The following SSBP2 variants were observed in gnomAD, a reference collection of about 807,000 sequenced individuals.
SSBP2 encodes single stranded DNA binding protein 2.
SSBP2 carries 17 observed loss-of-function variants against 61.8 expected under a neutral mutation model. The ratio of observed to expected loss-of-function variants is 0.28; its 90% confidence interval spans 0.19 to 0.41. SSBP2 has a LOEUF of 0.41. Among genes scored for constraint, SSBP2 ranks in the 10% least tolerant of loss-of-function variants. The pLI is 1.00. For synonymous variants in SSBP2, 139 were observed against 141.3 expected (o/e 0.98, Z 0.12); for missense variants, 310 against 458.7 (o/e 0.68, Z 2.96).
intron 2 of SSBP2, among the ~76,000 whole-genome samples, chr5:81,640,579 T>C (rs60916090): frequency 6.6e-6 from 1 of 152,162 alleles, no homozygotes; most frequent in Non-Finnish European, 1.5e-5. Flanking sequence ...TTTTATATTA[T>C]CTTGGTTCAT....
chr5:81,479,120 T>C (rs1765798545), intron 6 of SSBP2, among the ~76,000 whole-genome samples: 1 of 152,222 alleles, frequency 6.6e-6, no homozygotes, highest in South Asian at 2.1e-4. Context: ...AGCCTTGGGA[T>C]GACCAGATAG....
At chr5:81,711,274 A>C (rs1754758305) in intron 1 of SSBP2, among the ~76,000 whole-genome samples, 1 of 152,120 alleles carries the variant, frequency 6.6e-6, no homozygotes, top group Non-Finnish European at 1.5e-5. Flanking sequence ...TTAAAGACTA[A>C]ACTCAGCTAG....
chr5:81,682,792 G>T (rs1299643540), intron 1 of SSBP2, among the ~76,000 whole-genome samples: 1 of 152,064 alleles, frequency 6.6e-6, no homozygotes, highest in African/African-American at 2.4e-5. Flanking sequence ...AAACACCCTT[G>T]CTGGAACTAA....
chr5:81,615,511 A>T lies in SSBP2; in HGVS notation c.244T>A (p.Cys82Ser). ...GCTTTTGCTTCACTTGAGTGTTCACATGTTTCACGTCTCTCTGGAGCTGCA... is the reference window on the plus strand; with the variant it reads ...GCTTTTGCTTCACTTGAGTGTTCACTTGTTTCACGTCTCTCTGGAGCTGCA... The change falls in exon 4 of 17, where the codon TGT (cysteine) becomes AGT (serine). Residue 82 changes from cysteine (C) to serine (S), a missense_variant. By Grantham distance (112) the Cys-to-Ser change is moderately radical. Coordinates refer to ENST00000320672, the MANE Select transcript of SSBP2 (RefSeq NM_012446.5). The T allele has an allele frequency of 1.2e-6, 2 of 1,613,830 alleles. No individual in the cohort carries two copies. Among genetic ancestry groups the T allele is most frequent in the Non-Finnish European group, 1.7e-6 (2 of 1,179,842 alleles).
At chr5:81,628,082 T>C (rs2153649421) in intron 3 of SSBP2, among the ~76,000 whole-genome samples, 1 of 151,848 alleles carries the variant, frequency 6.6e-6, no homozygotes, top group East Asian at 1.9e-4. Context: ...AAAGGTGTAC[T>C]TGTCTGCTCT....
At chr5:81,647,700 A>T (rs1389866351) in intron 2 of SSBP2, among the ~76,000 whole-genome samples, 1 of 152,144 alleles carries the variant, frequency 6.6e-6, no homozygotes, top group Non-Finnish European at 1.5e-5. Context: ...TAATTAAGAG[A>T]AATCCTCAGT....
chr5:81,557,697 A>G (rs1485501412), intron 4 of SSBP2, among the ~76,000 whole-genome samples: 1 of 152,130 alleles, frequency 6.6e-6, no homozygotes, highest in Non-Finnish European at 1.5e-5. Flanking sequence ...TTCTTTCTTG[A>G]TATTCCATAT....
chr5:81,466,971 T>C lies in SSBP2; in HGVS notation c.638+3A>G. 1 of 1,592,746 alleles carries C rather than the reference T, an allele frequency of 6.3e-7. No individual in the cohort carries two copies. The highest frequency in any genetic ancestry group is 1.1e-5 in the South Asian group (1 of 89,608). On this transcript the variant is annotated splice_donor_region_variant and intron_variant, in intron 9 of 16. Transcript: ENST00000320672. ...ATGTAGTATATGATATAACATTGCT[T>C]ACATGTTCATTCCAGGCATTCCAGG...
intron 5 of SSBP2, among the ~76,000 whole-genome samples, chr5:81,490,631 G>A (rs1380250316): frequency 6.6e-6 from 1 of 152,128 alleles, no homozygotes; most frequent in African/African-American, 2.4e-5. Flanking sequence ...AATTAGGCTT[G>A]GAGGACATGG....
chr5:81,486,725 C>T (rs1250171539), intron 6 of SSBP2, among the ~76,000 whole-genome samples: 2 of 152,070 alleles, frequency 1.3e-5, no homozygotes, highest in African/African-American at 2.4e-5. Flanking sequence ...ATGTTGTAAC[C>T]CTTGGCATCT....
intron 3 of SSBP2, among the ~76,000 whole-genome samples, chr5:81,633,688 A>G (rs936565036): frequency 6.6e-6 from 1 of 152,062 alleles, no homozygotes; most frequent in Non-Finnish European, 1.5e-5. Flanking sequence ...CCTCTCCTTT[A>G]AACATCAGAC....
At chr5:81,606,232 A>G (rs2153573512) in intron 4 of SSBP2, among the ~76,000 whole-genome samples, 1 of 152,310 alleles carries the variant, frequency 6.6e-6, no homozygotes, top group African/African-American at 2.4e-5. Flanking sequence ...ACAAAAGCCT[A>G]GTTTCTCTCA....
rs1338494302 is a variant in SSBP2, at chr5:81,591,888, T to C, written c.282+23585A>G. Among the ~76,000 whole-genome samples the C allele has an allele frequency of 3.3e-5, 5 of 152,244 alleles. No homozygotes were observed. In the East Asian group the frequency reaches 9.6e-4, roughly 29 times the overall value. On this transcript the variant is annotated intron_variant, in intron 4 of 16. Transcript: ENST00000320672. ...GATGGCCGAATAGGAACAGCTCCAG[T>C]CTATAGCTCCCAGTGTGAGCGACAC...
chr5:81,728,472 G>A (rs1158511258), intron 1 of SSBP2, among the ~76,000 whole-genome samples: 2 of 152,110 alleles, frequency 1.3e-5, no homozygotes, highest in African/African-American at 2.4e-5. Context: ...CATTGGTCGA[G>A]GAGTCAGAAA....
chr5:81,545,443 G>C (rs1392234432), intron 4 of SSBP2, among the ~76,000 whole-genome samples: 2 of 152,146 alleles, frequency 1.3e-5, no homozygotes, highest in Non-Finnish European at 2.9e-5. Flanking sequence ...GAAATAATTA[G>C]TAGTAGTAAT....
chr5:81,644,446 G>C (rs1180456179), intron 2 of SSBP2, among the ~76,000 whole-genome samples: 1 of 152,166 alleles, frequency 6.6e-6, no homozygotes, highest in African/African-American at 2.4e-5. Context: ...AAGGAAAAAT[G>C]AGAGAGGTTA....
At chr5:81,516,794 TAAG>T (rs202148130) in intron 4 of SSBP2, among the ~76,000 whole-genome samples, 5,844 of 152,098 alleles carry the variant, frequency 0.038, 349 homozygotes, top group African/African-American at 0.13. Context: ...GTAAGGTAAA[TAAG>T]AAGTTTTTGG....
chr5:81,694,352 TA>T (rs1234243541), intron 1 of SSBP2, among the ~76,000 whole-genome samples: 1 of 152,174 alleles, frequency 6.6e-6, no homozygotes, highest in Non-Finnish European at 1.5e-5. Context: ...AATAAAAGAA[TA>T]AATGCTTGAG....
intron 4 of SSBP2, among the ~76,000 whole-genome samples, chr5:81,602,383 C>A (rs1214496432): frequency 1.3e-5 from 2 of 152,112 alleles, no homozygotes; most frequent in South Asian, 2.1e-4. Flanking sequence ...GGCAGAAGTC[C>A]TTCTCTACCT....
Sources: gnomAD v4.1 joint callset for allele counts (sites outside exome capture counted in the v4.1 genomes callset) on GRCh38, gnomAD v4.1.1 for gene constraint, MANE v1.5 for transcripts, NCBI Gene and HGNC (gene_info 2026-07-23, HGNC 2026-07-21) for gene names.